CFAP100: variants seen among roughly 807,000 people sequenced by gnomAD.
CFAP100 encodes cilia- and flagella-associated protein 100.
A neutral mutation model predicts 81.5 loss-of-function variants in CFAP100; 70 were observed. That is an observed-to-expected ratio of 0.86 (90% CI 0.71 to 1.05). CFAP100 has a LOEUF of 1.05. Ranked by LOEUF, CFAP100 falls within the 50% of genes least tolerant of loss-of-function variation. The probability of loss-of-function intolerance (pLI) is 0.00; values close to 1 mark genes in which losing one functional copy is unlikely to be tolerated. For synonymous variants in CFAP100, 341 were observed against 314.8 expected (o/e 1.08, Z -0.88); for missense variants, 811 against 776.5 (o/e 1.04, Z -0.53).
In CFAP100 at chr3:126,419,608, TC is replaced by T. The variant is rs1430408334; in HGVS notation, c.732-26del. On this transcript the variant is annotated intron_variant, in intron 8 of 16. Transcript: ENST00000352312. Reference sequence around the variant, plus strand: ...CTGTGGCAGAGGCTGACCTCCTCCTTCCCACATCCTCACCCCGCCCCGGTGT... The same window carrying T: ...CTGTGGCAGAGGCTGACCTCCTCCTTCCACATCCTCACCCCGCCCCGGTGT... The T allele has an allele frequency of 1.9e-6, 3 of 1,605,902 alleles. No individual in the cohort carries two copies. The Admixed American group carries it at 5.0e-5, about 27-fold the overall frequency.
At chr3:126,426,611 G>A (rs1052782669) in intron 13 of CFAP100, among the ~76,000 whole-genome samples, 20 of 152,176 alleles carry the variant, frequency 1.3e-4, no homozygotes, top group South Asian at 6.2e-4. Context: ...TTAGCTGGGC[G>A]TGGTGGTGCG....
intron 5 of CFAP100, 167 bp downstream of exon 5, chr3:126,416,675 C>T: frequency 1.8e-6 from 1 of 562,522 alleles, no homozygotes; most frequent in South Asian, 2.5e-5. Flanking sequence ...CCAGGGGGGT[C>T]CCAAAGCTCT....
intron 4 of CFAP100, 79 bp from the exon 5 acceptor site, chr3:126,416,237 A>C: frequency 9.5e-6 from 9 of 943,004 alleles, no homozygotes; most frequent in Non-Finnish European, 1.4e-5. Flanking sequence ...CCGCGTCCCT[A>C]GGAATGGGGA....
intron 13 of CFAP100, among the ~76,000 whole-genome samples, chr3:126,427,341 T>C (rs1169548455): frequency 1.3e-5 from 2 of 152,214 alleles, no homozygotes; most frequent in Non-Finnish European, 2.9e-5. Context: ...AGCCTAGCAA[T>C]TGACCCACAT....
chr3:126,434,655 CTTAG>C lies in CFAP100; in HGVS notation c.1628+279_1628+282del, dbSNP rs553726838. The C allele has an allele frequency of 4.7e-4, 202 of 425,720 alleles. 1 individual carries two copies. The highest frequency in any genetic ancestry group is 3.6e-3 in the African/African-American group (181 of 50,190). 26.4% of individuals were successfully genotyped at this position (425,720 alleles called of 1,614,324 possible). ...GGTCTAGAAGATAGAAGAGCTGGAG[CTTAG>C]TTAGAGTGTGGCTAGCACGGTCAGC... is the stretch of plus-strand genomic sequence containing the variant. On this transcript the variant is annotated intron_variant, in intron 15 of 16. Coordinates refer to ENST00000352312, the MANE Select transcript of CFAP100 (RefSeq NM_182628.3).
At chr3:126,432,057 G>A (rs1265362719) in intron 13 of CFAP100, among the ~76,000 whole-genome samples, 1 of 151,960 alleles carries the variant, frequency 6.6e-6, no homozygotes, top group East Asian at 1.9e-4. Context: ...GAGGCAGGAG[G>A]ATCACAAGGT....
chr3:126,431,359 C>G (rs1298166484), intron 13 of CFAP100, among the ~76,000 whole-genome samples: 1 of 152,180 alleles, frequency 6.6e-6, no homozygotes. Flanking sequence ...GGGAAATACC[C>G]CAAAATGAAT....
At chr3:126,416,545 G>C in intron 5 of CFAP100, 37 bp downstream of exon 5, 3 of 1,492,636 alleles carry the variant, frequency 2.0e-6, no homozygotes, top group Non-Finnish European at 2.7e-6. Context: ...CTGGGCCAGT[G>C]GCGTCCCACA....
In CFAP100 at chr3:126,434,294, T is replaced by A; in HGVS notation, c.1541T>A (p.Leu514Gln). ...ATGCTGACCATCATTGAGCACCAGCTGGATGAGCTGCTAGAGAACCTGGAG... is the reference window on the plus strand; with the variant it reads ...ATGCTGACCATCATTGAGCACCAGCAGGATGAGCTGCTAGAGAACCTGGAG... ...VQMLTIIEHQ[L>Q]DELLENLEHV... The change falls in exon 15 of 17, where the codon CTG becomes CAG. Residue 514 changes from leucine to glutamine, a missense_variant. Physicochemically the swap from Leu to Gln is moderately radical, Grantham distance 113. Transcript: ENST00000352312. 1 of 1,614,034 alleles carries A rather than the reference T, an allele frequency of 6.2e-7. No individual in the cohort carries two copies.
chr3:126,412,285 C>T (rs371286812), intron 3 of CFAP100, among the ~76,000 whole-genome samples: 5 of 152,290 alleles, frequency 3.3e-5, no homozygotes, highest in African/African-American at 1.2e-4. Flanking sequence ...ACAAGGTCCC[C>T]CGTGGTTACA....
At position 126,397,867 on chromosome 3, in the gene CFAP100, C is replaced by A. The variant is rs535895063; in HGVS notation, c.49+1818C>A. ...GATGCTGAGCCAAGTACAGATAGGA[C>A]CCCCCCTCAACCAGAGGGCCCAGGG... On this transcript the variant is annotated intron_variant, in intron 2 of 16. Coordinates refer to ENST00000352312, the MANE Select transcript of CFAP100 (RefSeq NM_182628.3). Among the ~76,000 whole-genome samples, 10 of 151,204 alleles carry A rather than the reference C, an allele frequency of 6.6e-5. No individual in the cohort carries two copies. The South Asian group carries it at 2.1e-3, about 31-fold the overall frequency.
chr3:126,416,554 C>A, intron 5 of CFAP100, 46 bp downstream of exon 5: 2 of 1,460,460 alleles, frequency 1.4e-6, no homozygotes, highest in Non-Finnish European at 1.8e-6. Flanking sequence ...TGGCGTCCCA[C>A]AACCGCAGCT....
intron 1 of CFAP100, 29 bp downstream of exon 1, chr3:126,395,007 G>C (rs1187525783): frequency 6.6e-6 from 1 of 152,606 alleles, no homozygotes; most frequent in African/African-American, 2.4e-5. Flanking sequence ...CGGGGAGAGG[G>C]GGCGCGCGGG....
intron 11 of CFAP100, among the ~76,000 whole-genome samples, chr3:126,422,466 G>A (rs2083347942): frequency 6.7e-6 from 1 of 148,646 alleles, no homozygotes; most frequent in Non-Finnish European, 1.5e-5. Context: ...GGTCCCTGAG[G>A]TGCCTGGGGC....
At chr3:126,433,498 G>C in intron 14 of CFAP100, 1 of 357,812 alleles carries the variant, frequency 2.8e-6, no homozygotes, top group Admixed American at 4.2e-5. Flanking sequence ...GGGGGAAGAG[G>C]CGTGTCCTCA....
intron 13 of CFAP100, among the ~76,000 whole-genome samples, chr3:126,426,140 C>CT (rs2083399997): frequency 6.6e-6 from 1 of 152,166 alleles, no homozygotes; most frequent in Non-Finnish European, 1.5e-5. Flanking sequence ...ACATGAATGT[C>CT]TATGTAGAAA....
chr3:126,429,468 T>C (rs1481135242), intron 13 of CFAP100, among the ~76,000 whole-genome samples: 1 of 152,018 alleles, frequency 6.6e-6, no homozygotes, highest in Non-Finnish European at 1.5e-5. Flanking sequence ...ATTTTGTCTA[T>C]ATTACTGCTG....
chr3:126,414,376 TC>T, intron 4 of CFAP100, 197 bp downstream of exon 4: 1 of 682,410 alleles, frequency 1.5e-6, no homozygotes, highest in East Asian at 2.7e-5. Context: ...ATCCCACCCA[TC>T]TTCCCGTCTG....
chr3:126,408,706 G>A (rs765315859), intron 3 of CFAP100, among the ~76,000 whole-genome samples: 1 of 152,164 alleles, frequency 6.6e-6, no homozygotes. Context: ...CAGAGGCATG[G>A]GAGGGAGAAA....
Sources: gnomAD v4.1 joint callset for allele counts (sites outside exome capture counted in the v4.1 genomes callset) on GRCh38, gnomAD v4.1.1 for gene constraint, MANE v1.5 for transcripts, NCBI Gene and HGNC (gene_info 2026-07-23, HGNC 2026-07-21) for gene names.